Variants in CLTRN observed in about 807,000 individuals in gnomAD.
The protein encoded by CLTRN is collectrin.
In CLTRN, 12 loss-of-function variants were observed where a neutral mutation model predicts 14.5. The observed-to-expected ratio is 0.83, with a 90% CI of 0.53 to 1.34. The LOEUF is 1.34. Among genes scored for constraint, CLTRN ranks in the 40% most tolerant of loss-of-function variants. The pLI is 0.00. For synonymous variants in CLTRN, 58 were observed against 56.5 expected (o/e 1.03, Z -0.12); for missense variants, 154 against 165.1 (o/e 0.93, Z 0.37).
At chrX:15,657,417 A>C (rs926557197) in intron 3 of CLTRN, among the ~76,000 whole-genome samples, 1 of 112,703 alleles carries the variant, frequency 8.9e-6, no homozygotes, top group South Asian at 3.6e-4. Context: ...CCCAAAAATC[A>C]ATCTGAAATG....
At chrX:15,637,723 T>C (rs1389665879) in intron 5 of CLTRN, among the ~76,000 whole-genome samples, 6 of 112,322 alleles carry the variant, frequency 5.3e-5, no homozygotes, top group Admixed American at 3.8e-4. Flanking sequence ...CTAACACTTA[T>C]TGAGCACTCA....
intron 2 of CLTRN, among the ~76,000 whole-genome samples, chrX:15,659,853 G>A (rs748724987): frequency 8.9e-6 from 1 of 112,033 alleles, no homozygotes; most frequent in Admixed American, 9.5e-5. Flanking sequence ...CCAGAACTGA[G>A]AGAAAATAAA....
At chrX:15,630,175 A>G (rs763452338) in intron 5 of CLTRN, among the ~76,000 whole-genome samples, 1 of 111,819 alleles carries the variant, frequency 8.9e-6, no homozygotes, top group South Asian at 3.7e-4. Flanking sequence ...ATGTAGTTCA[A>G]TTGCTGGTTG....
At chrX:15,646,405 T>G (rs920488595) in intron 3 of CLTRN, 2 of 309,073 alleles carry the variant, frequency 6.5e-6, no homozygotes, top group African/African-American at 5.4e-5. Context: ...CCTGCTCTCA[T>G]GGGCAGCTAC....
chrX:15,673,524 G>C (rs755537936), intron 1 of CLTRN, among the ~76,000 whole-genome samples: 116 of 112,545 alleles, frequency 1.0e-3, no homozygotes, highest in African/African-American at 3.5e-3. Context: ...TTTCCGGTGT[G>C]TTTAATTTTT....
intron 2 of CLTRN, 38 bp from the exon 3 acceptor site, chrX:15,659,139 A>G (rs1366501344): frequency 4.8e-6 from 4 of 839,781 alleles, no homozygotes; most frequent in East Asian, 7.1e-5. Flanking sequence ...GGGGGAAAAT[A>G]TGGTCCATTG....
rs1273383388 is a variant in CLTRN at position 15,646,504 on chromosome X, T to A, written c.204-1475A>T. On this transcript the variant is annotated intron_variant, in intron 3 of 5. Transcript: ENST00000380342. ...CCGCGCCAGAAGCACTGGGCCCTAC[T>A]GTCCAGGCCCTTCCTCAGCTCCCAG... is the stretch of plus-strand genomic sequence containing the variant. 1.9e-4 allele frequency: 52 copies of A among 273,835 alleles called. 1 individual carries two copies. In the Admixed American group the frequency reaches 2.1e-3, roughly 11 times the overall value. 22.6% of individuals were successfully genotyped at this position (273,835 alleles called of 1,213,427 possible).
In CLTRN at chrX:15,628,139, T is replaced by C; in HGVS notation, c.513-12A>G. 1.9e-6 allele frequency: 2 copies of C among 1,041,201 alleles called. No homozygotes were observed. The highest frequency in any genetic ancestry group is 2.5e-6 in the Non-Finnish European group (2 of 801,605). 85.8% of individuals were successfully genotyped at this position (1,041,201 alleles called of 1,213,427 possible). ...GTTCTTTGTTCTTTCTAAAAGCACATAAAAAAGAGTGATTGGCATCTAGAA... is the reference window on the plus strand; with the variant it reads ...GTTCTTTGTTCTTTCTAAAAGCACACAAAAAAGAGTGATTGGCATCTAGAA... On this transcript the variant is annotated splice_polypyrimidine_tract_variant and intron_variant, in intron 5 of 5. Transcript: ENST00000380342.
intron 5 of CLTRN, among the ~76,000 whole-genome samples, chrX:15,636,928 T>C (rs1928832359): frequency 9.0e-6 from 1 of 111,444 alleles, no homozygotes; most frequent in Non-Finnish European, 1.9e-5. Flanking sequence ...ACAGCTGGTA[T>C]TTGAGTTTAC....
chrX:15,646,421 C>T (rs745525475), intron 3 of CLTRN: 1 of 316,210 alleles, frequency 3.2e-6, no homozygotes, highest in East Asian at 9.9e-5. Context: ...GCTACCTGAG[C>T]GGCTTCCTGG....
At chrX:15,658,075 T>C (rs1929416944) in intron 3 of CLTRN, among the ~76,000 whole-genome samples, 1 of 111,514 alleles carries the variant, frequency 9.0e-6, no homozygotes, top group African/African-American at 3.3e-5. Context: ...AAATAAAAGG[T>C]TAGGTTGGAG....
At chrX:15,670,720 G>C (rs1442226317) in intron 1 of CLTRN, among the ~76,000 whole-genome samples, 1 of 111,167 alleles carries the variant, frequency 9.0e-6, no homozygotes, top group Non-Finnish European at 1.9e-5. Flanking sequence ...ATGAATGGCA[G>C]ATGAGAGGAT....
At chrX:15,667,238 AAAATAAATAAAT>A (rs200000626), upstream of CLTRN, among the ~76,000 whole-genome samples, 7 of 105,053 alleles carry the variant, frequency 6.7e-5, no homozygotes, top group South Asian at 4.5e-4. Context: ...CTCCATCTCA[AAAATAAATAAAT>A]AAATAAATAA....
rs1003858764 is a variant in CLTRN at position 15,653,664 on chromosome X, C to G, written c.203+5352G>C. Among the ~76,000 whole-genome samples the G allele has an allele frequency of 2.7e-5, 3 of 112,062 alleles. No homozygotes were observed. In the Admixed American group the frequency reaches 2.8e-4, roughly 11 times the overall value. ...TCTCCTTTAAGACTTTGGTGATGAT[C>G]TTGGAGCTGGTGTCCACAGTTGCAT... On this transcript the variant is annotated intron_variant, in intron 3 of 5. Transcript: ENST00000380342.
At chrX:15,634,684 CA>C (rs1928773892) in intron 5 of CLTRN, among the ~76,000 whole-genome samples, 1 of 103,626 alleles carries the variant, frequency 9.7e-6, no homozygotes, top group Non-Finnish European at 1.9e-5. Flanking sequence ...ATCGCAAGAA[CA>C]AAAAATCAAA....
chrX:15,671,858 A>G (rs1352399784), intron 1 of CLTRN, among the ~76,000 whole-genome samples: 4 of 89,415 alleles, frequency 4.5e-5, no homozygotes, highest in South Asian at 4.7e-4. Context: ...ACACACACAC[A>G]CACACACACA....
At position 15,647,787 on chromosome X, in the gene CLTRN, G is replaced by A. The variant is rs1315618031; in HGVS notation, c.204-2758C>T. Among the ~76,000 whole-genome samples, 4 of 61,083 alleles carry A rather than the reference G, an allele frequency of 6.5e-5. No individual in the cohort carries two copies. In the South Asian group the frequency reaches 2.4e-3, roughly 37 times the overall value. The allele number at this position is 61,083 out of a possible 115,157, so 53.0% of individuals were successfully genotyped here. On this transcript the variant is annotated intron_variant, in intron 3 of 5. Transcript: ENST00000380342. ...GCAAGCCTAGTCCCCCAAAATGTGC[G>A]GTTTTCTAATACATATCAAAGACGT... is the stretch of plus-strand genomic sequence containing the variant.
intron 3 of CLTRN, among the ~76,000 whole-genome samples, chrX:15,653,892 T>C (rs754538881): frequency 6.2e-5 from 7 of 112,893 alleles, no homozygotes; most frequent in African/African-American, 2.3e-4. Flanking sequence ...AATAATCATT[T>C]TGACCAATTG....
At chrX:15,670,308 AACACACACACAC>A (rs753295306) in intron 1 of CLTRN, among the ~76,000 whole-genome samples, 23 of 86,293 alleles carry the variant, frequency 2.7e-4, no homozygotes, top group South Asian at 1.3e-3. Context: ...CCAAAAACAA[AACACACACACAC>A]ACACACACAC....
Sources: gnomAD v4.1 joint callset for allele counts (sites outside exome capture counted in the v4.1 genomes callset) on GRCh38, gnomAD v4.1.1 for gene constraint, MANE v1.5 for transcripts, NCBI Gene and HGNC (gene_info 2026-07-23, HGNC 2026-07-21) for gene names.